PCDH11X: variants seen among roughly 807,000 people sequenced by gnomAD.
PCDH11X encodes protocadherin 11 X-linked.
PCDH11X carries 18 observed loss-of-function variants against 53.3 expected under a neutral mutation model. That is an observed-to-expected ratio of 0.34 (90% confidence interval 0.23 to 0.50). The LOEUF is 0.50. Ranked by LOEUF, PCDH11X falls within the 20% of genes least tolerant of loss-of-function variation. The probability of loss-of-function intolerance (pLI) is 0.98; values close to 1 mark genes in which losing one functional copy is unlikely to be tolerated. For synonymous variants in PCDH11X, 279 were observed against 393.3 expected, an observed-to-expected ratio of 0.71 and a Z score of 3.44; for missense variants, 570 against 1,032.4, an observed-to-expected ratio of 0.55 and a Z score of 6.14.
chrX:92,367,454 G>T (rs1467229653), intron 8 of PCDH11X, among the ~76,000 whole-genome samples: 1 of 110,946 alleles, frequency 9.0e-6, no homozygotes, highest in Non-Finnish European at 1.9e-5. Context: ...AATCCAATTT[G>T]CCAGTCTGTG....
chrX:92,374,781 A>G (rs982180681), intron 8 of PCDH11X, among the ~76,000 whole-genome samples: 1 of 110,632 alleles, frequency 9.0e-6, no homozygotes, highest in African/African-American at 3.3e-5. Flanking sequence ...TCGGAATTCA[A>G]TTGAGCCAGG....
intron 10 of PCDH11X, among the ~76,000 whole-genome samples, chrX:92,604,800 C>T (rs1220360932): frequency 3.7e-5 from 4 of 108,232 alleles, no homozygotes; most frequent in South Asian, 3.9e-4. Context: ...CACTAATATC[C>T]GGCAATAAAA....
At chrX:91,925,778 G>A (rs762110131) in intron 6 of PCDH11X, among the ~76,000 whole-genome samples, 110 of 110,600 alleles carry the variant, frequency 9.9e-4, no homozygotes, top group Non-Finnish European at 1.7e-3. Flanking sequence ...AGAAAATATA[G>A]CTAGAGCTTG....
At chrX:91,797,005 G>C (rs1935758742) in intron 1 of PCDH11X, among the ~76,000 whole-genome samples, 3 of 111,279 alleles carry the variant, frequency 2.7e-5, no homozygotes, top group Non-Finnish European at 5.7e-5. Context: ...TAATTACTAT[G>C]CACATAAACT....
At chrX:92,517,990 C>T (rs2148713139) in intron 10 of PCDH11X, among the ~76,000 whole-genome samples, 1 of 109,642 alleles carries the variant, frequency 9.1e-6, no homozygotes, top group African/African-American at 3.3e-5. Context: ...AGGGGCTCAG[C>T]TCTGTCTTCT....
intron 6 of PCDH11X, among the ~76,000 whole-genome samples, chrX:91,917,606 A>T (rs1335753722): frequency 1.1e-5 from 1 of 93,112 alleles, no homozygotes; most frequent in African/African-American, 3.8e-5. Flanking sequence ...ATTCCTTAGG[A>T]ATATAATTAA....
chrX:92,189,033 A>T lies in PCDH11X; in HGVS notation c.3034-12342A>T, dbSNP rs771090036. 4.5e-5 allele frequency among the ~76,000 whole-genome samples: 5 copies of T among 111,373 alleles called. 1 individual carries two copies. The East Asian group carries it at 1.4e-3, about 31-fold the overall frequency. ...ATTCTAAAACCTGTGGGCAGTCTAT[A>T]TATTAATATAAATTAATATATACAT... On this transcript the variant is annotated intron_variant, in intron 6 of 10. Coordinates refer to ENST00000682573, the MANE Select transcript of PCDH11X (RefSeq NM_032968.5).
rs1207991247 is a variant in PCDH11X, at chrX:92,169,731, A to G, written c.3034-31644A>G. ...ATTGGGTGCTTATTATAAGCCAGGAACTGTGCTAAACAGTAATGACATCAA... is the reference window on the plus strand; with the variant it reads ...ATTGGGTGCTTATTATAAGCCAGGAGCTGTGCTAAACAGTAATGACATCAA... On this transcript the variant is annotated intron_variant, in intron 6 of 10. Transcript: ENST00000682573. 5.5e-5 allele frequency among the ~76,000 whole-genome samples: 6 copies of G among 109,638 alleles called. No homozygotes were observed. The South Asian group carries it at 1.2e-3, about 22-fold the overall frequency.
intron 8 of PCDH11X, among the ~76,000 whole-genome samples, chrX:92,368,294 A>G (rs1427114260): frequency 9.0e-6 from 1 of 111,221 alleles, no homozygotes; most frequent in Non-Finnish European, 1.9e-5. Flanking sequence ...TTGGCTATTG[A>G]TACTTGTGTA....
chrX:92,309,399 C>T (rs751742171), intron 8 of PCDH11X, among the ~76,000 whole-genome samples: 10 of 111,431 alleles, frequency 9.0e-5, no homozygotes, highest in Admixed American at 2.9e-4. Flanking sequence ...CACAAAAGGA[C>T]GAATACTGGA....
chrX:92,170,656 G>T (rs2148275116), intron 6 of PCDH11X, among the ~76,000 whole-genome samples: 1 of 109,258 alleles, frequency 9.2e-6, no homozygotes, highest in Non-Finnish European at 1.9e-5. Flanking sequence ...GGAGTGCAGT[G>T]GTGCAATCAC....
intron 5 of PCDH11X, among the ~76,000 whole-genome samples, chrX:91,852,169 G>A (rs1382131052): frequency 2.9e-5 from 3 of 103,490 alleles, no homozygotes; most frequent in Non-Finnish European, 3.9e-5. Flanking sequence ...GCCCACCACC[G>A]CACTCAGCTA....
At chrX:92,017,532 C>CTA (rs1472130942) in intron 6 of PCDH11X, among the ~76,000 whole-genome samples, 1 of 60,285 alleles carries the variant, frequency 1.7e-5, no homozygotes, top group Non-Finnish European at 2.8e-5. Flanking sequence ...AACCTTGTCT[C>CTA]TATAAAAAAA....
In PCDH11X at chrX:92,496,581, G is replaced by A. The variant is rs1288076014; in HGVS notation, c.3367+28259G>A. Among the ~76,000 whole-genome samples the A allele has an allele frequency of 2.9e-5, 3 of 102,006 alleles. No individual in the cohort carries two copies. In the East Asian group the frequency reaches 9.3e-4, roughly 32 times the overall value. 88.6% of individuals were successfully genotyped at this position (102,006 alleles called of 115,157 possible). A position where few individuals can be genotyped will look rare whatever the true frequency, so the allele number is the denominator to read the frequency against. ...TGACTTTGGGACTACTATTAAATAT[G>A]CCCACACAGAAAGCATTCCATGAGG... On this transcript the variant is annotated intron_variant, in intron 10 of 10. Coordinates refer to ENST00000682573, the MANE Select transcript of PCDH11X (RefSeq NM_032968.5).
intron 10 of PCDH11X, among the ~76,000 whole-genome samples, chrX:92,471,062 C>T (rs1246139141): frequency 4.8e-5 from 5 of 104,296 alleles, no homozygotes; most frequent in African/African-American, 1.8e-4. Context: ...GCAGTGAAAC[C>T]CTCTGGTCCT....
At chrX:91,886,711 C>T (rs1418141982) in intron 6 of PCDH11X, among the ~76,000 whole-genome samples, 2 of 109,747 alleles carry the variant, frequency 1.8e-5, no homozygotes, top group Non-Finnish European at 3.8e-5. Context: ...GTGGCTCATG[C>T]CTGTATTCCC....
intron 6 of PCDH11X, among the ~76,000 whole-genome samples, chrX:91,911,783 CTA>C (rs1449621783): frequency 6.3e-5 from 7 of 110,277 alleles, no homozygotes; most frequent in Non-Finnish European, 1.3e-4. Context: ...TCTTGTGGTT[CTA>C]TATACACTTT....
intron 10 of PCDH11X, among the ~76,000 whole-genome samples, chrX:92,565,958 C>T (rs1721129984): frequency 9.3e-6 from 1 of 107,855 alleles, no homozygotes; most frequent in South Asian, 4.1e-4. Context: ...GAACAATATG[C>T]TTAGTTCATA....
chrX:92,094,260 CTG>C, intron 6 of PCDH11X, among the ~76,000 whole-genome samples: 1 of 106,805 alleles, frequency 9.4e-6, no homozygotes, highest in East Asian at 2.9e-4. Flanking sequence ...GTTTAAATAA[CTG>C]AAAAAAAAAT....
Sources: gnomAD v4.1 joint callset for allele counts (sites outside exome capture counted in the v4.1 genomes callset) on GRCh38, gnomAD v4.1.1 for gene constraint, MANE v1.5 for transcripts, NCBI Gene and HGNC (gene_info 2026-07-23, HGNC 2026-07-21) for gene names.